Variants in XRN1 observed in about 807,000 individuals in gnomAD.
The protein encoded by XRN1 is strand-exchange protein 1 homolog.
In XRN1, 67 loss-of-function variants were observed where a neutral mutation model predicts 222.3. The observed-to-expected ratio is 0.30, with a 90% CI of 0.25 to 0.37. The LOEUF is 0.37. XRN1 is among the 10% of genes least tolerant of loss of function. The probability of loss-of-function intolerance (pLI) is 1.00; values close to 1 mark genes in which losing one functional copy is unlikely to be tolerated. For missense variants in XRN1, 1,707 were observed against 2,000.2 expected, an observed-to-expected ratio of 0.85 and a Z score of 2.80; for synonymous variants, 643 against 652.4, an observed-to-expected ratio of 0.99 and a Z score of 0.22.
chr3:142,431,490 G>A (rs1431027389), intron 2 of XRN1, among the ~76,000 whole-genome samples: 4 of 151,796 alleles, frequency 2.6e-5, no homozygotes, highest in African/African-American at 9.7e-5. Flanking sequence ...AGACCAGCCT[G>A]GCCAACAGAG....
chr3:142,325,443 T>C (rs1219956410), intron 37 of XRN1, among the ~76,000 whole-genome samples: 1 of 152,166 alleles, frequency 6.6e-6, no homozygotes, highest in East Asian at 1.9e-4. Flanking sequence ...AATTCAACTT[T>C]TGTTTGACAC....
rs929028109 is a variant in XRN1 at position 142,447,795 on chromosome 3, C to T, written c.75+75G>A. The stretch of plus-strand genomic sequence containing the variant: ...GAGGGGAAAGAGGTGGCTCGAAAGC[C>T]CCAGCTCTAAGGTGGAGAGGGCCGC... On this transcript the variant is annotated intron_variant, in intron 1 of 40. Transcript: ENST00000392981. This position sits in a 1 kb window ranked among gnomAD's most constrained non-coding sequence, Gnocchi z 4.2. 14 of 1,543,484 alleles carry T rather than the reference C, an allele frequency of 9.1e-6. No homozygotes were observed. Among genetic ancestry groups the T allele is most frequent in the Non-Finnish European group, 1.2e-5 (14 of 1,126,544 alleles).
chr3:142,346,624 G>A (rs2066150979), intron 33 of XRN1, among the ~76,000 whole-genome samples: 1 of 151,972 alleles, frequency 6.6e-6, no homozygotes, highest in Non-Finnish European at 1.5e-5. Context: ...GGGACTACAG[G>A]TGCATGCCAC....
At chr3:142,418,699 A>G in intron 11 of XRN1, 90 bp from the exon 12 acceptor site, 1 of 1,417,864 alleles carries the variant, frequency 7.1e-7, no homozygotes, top group East Asian at 2.3e-5. Context: ...ATCCAAGTTG[A>G]TGCTTATATG....
chr3:142,355,228 T>C (rs2066429853), intron 32 of XRN1, 173 bp downstream of exon 32: 1 of 371,038 alleles, frequency 2.7e-6, no homozygotes, highest in South Asian at 6.2e-5. Flanking sequence ...CTCCTGAACC[T>C]AAAACAAATA....
intron 36 of XRN1, among the ~76,000 whole-genome samples, chr3:142,330,550 G>A: frequency 6.6e-6 from 1 of 151,008 alleles, no homozygotes; most frequent in Non-Finnish European, 1.5e-5. Context: ...TATAACAGGG[G>A]CTGGATTCTG....
chr3:142,403,858 T>G lies in XRN1; in HGVS notation c.2004+11A>C. 4 of 1,612,430 alleles carry G rather than the reference T, an allele frequency of 2.5e-6. No homozygotes were observed. The highest frequency in any genetic ancestry group is 3.4e-6 in the Non-Finnish European group (4 of 1,179,324). Reference sequence around the variant, plus strand: ...TAAAGTGAAAAAATTCTGAACTAAATAGCCACTGACTTTGTGTCTGATGTG... The same window carrying G: ...TAAAGTGAAAAAATTCTGAACTAAAGAGCCACTGACTTTGTGTCTGATGTG... On this transcript the variant is annotated intron_variant, in intron 17 of 40. Coordinates refer to ENST00000392981, the MANE Select transcript of XRN1 (RefSeq NM_001282857.2).
chr3:142,408,258 T>C (rs138658997), intron 15 of XRN1, among the ~76,000 whole-genome samples: 25 of 152,334 alleles, frequency 1.6e-4, no homozygotes, highest in African/African-American at 4.3e-4. Context: ...GTAATGCACA[T>C]AGGCCTGGGG....
chr3:142,351,703 T>C (rs534967854), intron 32 of XRN1, among the ~76,000 whole-genome samples: 1 of 152,172 alleles, frequency 6.6e-6, no homozygotes, highest in African/African-American at 2.4e-5. Flanking sequence ...GCCTTACTGC[T>C]TGACTAATGA....
chr3:142,320,247 T>G (rs1013557074), intron 37 of XRN1, among the ~76,000 whole-genome samples: 3 of 152,168 alleles, frequency 2.0e-5, no homozygotes, highest in Non-Finnish European at 4.4e-5. Context: ...TTTTTTGACT[T>G]TTTTAATAAT....
At chr3:142,395,859 G>T (rs545127182) in intron 20 of XRN1, among the ~76,000 whole-genome samples, 2 of 152,190 alleles carry the variant, frequency 1.3e-5, no homozygotes, top group African/African-American at 4.8e-5. Context: ...CTGCCACAGG[G>T]CTTTTCATGT....
intron 1 of XRN1, among the ~76,000 whole-genome samples, chr3:142,436,698 T>G (rs891546898): frequency 6.6e-6 from 1 of 152,180 alleles, no homozygotes; most frequent in Admixed American, 6.5e-5. Flanking sequence ...CAATTACAAA[T>G]TATGAAATAG....
At chr3:142,363,846 T>C (rs922454702) in intron 29 of XRN1, among the ~76,000 whole-genome samples, 2 of 152,244 alleles carry the variant, frequency 1.3e-5, no homozygotes, top group African/African-American at 4.8e-5. Flanking sequence ...GGGATCTTGA[T>C]TGGGATTTCT....
intron 20 of XRN1, among the ~76,000 whole-genome samples, chr3:142,386,227 T>A (rs1008285566): frequency 6.6e-6 from 1 of 152,024 alleles, no homozygotes; most frequent in Non-Finnish European, 1.5e-5. Context: ...TTTCAGGAAA[T>A]CTTTATAATT....
In XRN1 at chr3:142,338,363, G is replaced by A. The variant is rs377693720; in HGVS notation, c.3878-2854C>T. ...CTCTAGACACGCCCTGGGCCAGAAGGGAACCTACAGTCCTGAAGGGAAGAA... is the reference window on the plus strand; with the variant it reads ...CTCTAGACACGCCCTGGGCCAGAAGAGAACCTACAGTCCTGAAGGGAAGAA... On this transcript the variant is annotated intron_variant, in intron 33 of 40. Transcript: ENST00000392981. Among the ~76,000 whole-genome samples the A allele has an allele frequency of 7.9e-5, 12 of 152,254 alleles. No individual in the cohort carries two copies. The East Asian group carries it at 2.3e-3, about 29-fold the overall frequency.
At position 142,432,912 on chromosome 3, in the gene XRN1, T is replaced by G. The variant is rs755688666; in HGVS notation, c.76-19A>C. On this transcript the variant is annotated intron_variant, in intron 1 of 40. Transcript: ENST00000392981. Reference sequence around the variant, plus strand: ...CAGGAATCTGAAAAACAAAGAAAAATGCTTGAGATCATTTATTTTAATCAA... The same window carrying G: ...CAGGAATCTGAAAAACAAAGAAAAAGGCTTGAGATCATTTATTTTAATCAA... 2 of 1,563,682 alleles carry G rather than the reference T, an allele frequency of 1.3e-6. No homozygotes were observed. Among genetic ancestry groups the G allele is most frequent in the East Asian group, 4.5e-5 (2 of 44,420 alleles).
At chr3:142,400,023 T>G (rs1201242372) in intron 19 of XRN1, among the ~76,000 whole-genome samples, 1 of 152,174 alleles carries the variant, frequency 6.6e-6, no homozygotes, top group African/African-American at 2.4e-5. Flanking sequence ...AATGAAATGT[T>G]AAGATATTTT....
At chr3:142,437,928 T>C (rs1364001669) in intron 1 of XRN1, among the ~76,000 whole-genome samples, 3 of 151,830 alleles carry the variant, frequency 2.0e-5, no homozygotes, top group Admixed American at 2.0e-4. Context: ...AAATGGCAAA[T>C]AGGAACATGA....
chr3:142,320,476 G>A (rs537309973), intron 37 of XRN1, among the ~76,000 whole-genome samples: 26 of 152,216 alleles, frequency 1.7e-4, no homozygotes, highest in African/African-American at 5.5e-4. Context: ...TTAGTCCTTT[G>A]TCAGATACAT....
Sources: gnomAD v4.1 joint callset for allele counts (sites outside exome capture counted in the v4.1 genomes callset) on GRCh38, gnomAD v4.1.1 for gene constraint, Gnocchi (gnomAD v3.1) non-coding constraint, MANE v1.5 for transcripts, NCBI Gene and HGNC (gene_info 2026-07-23, HGNC 2026-07-21) for gene names.